NRXN1: variants seen among roughly 807,000 people sequenced by gnomAD.
NRXN1 encodes neurexin-1.
NRXN1 carries 39 observed loss-of-function variants against 150.9 expected under a neutral mutation model. That is an observed-to-expected ratio of 0.26 (90% CI 0.20 to 0.34). The LOEUF is 0.34. Among genes scored for constraint, NRXN1 ranks in the 10% least tolerant of loss-of-function variants. The pLI is 1.00. For missense variants in NRXN1, 1,815 were observed against 1,949.9 expected (o/e 0.93, Z 1.30); for synonymous variants, 924 against 757.0 (o/e 1.22, Z -3.62).
intron 5 of NRXN1, among the ~76,000 whole-genome samples, chr2:50,897,181 C>T (rs773908447): frequency 2.0e-5 from 3 of 152,178 alleles, no homozygotes; most frequent in African/African-American, 4.8e-5. Flanking sequence ...GTTGCTTAAT[C>T]TCTGTGCTTC....
At chr2:50,566,452 GC>G (rs1216559166) in intron 8 of NRXN1, among the ~76,000 whole-genome samples, 1 of 141,378 alleles carries the variant, frequency 7.1e-6, no homozygotes, top group African/African-American at 2.7e-5. Flanking sequence ...ACAGGGTTTC[GC>G]TATGTTGGCC....
At chr2:50,653,976 CTTT>C (rs35931647) in intron 5 of NRXN1, among the ~76,000 whole-genome samples, 32 of 127,406 alleles carry the variant, frequency 2.5e-4, no homozygotes, top group South Asian at 5.1e-4. Flanking sequence ...GCCTTTTCAT[CTTT>C]TTTTTTTTTT....
intron 17 of NRXN1, among the ~76,000 whole-genome samples, chr2:50,356,467 C>G (rs970785304): frequency 1.3e-5 from 2 of 152,066 alleles, no homozygotes; most frequent in Non-Finnish European, 2.9e-5. Context: ...AATTATTAAT[C>G]AATGTTGCTT....
intron 18 of NRXN1, among the ~76,000 whole-genome samples, chr2:50,170,641 C>G (rs1373731634): frequency 4.6e-5 from 7 of 152,040 alleles, no homozygotes; most frequent in Admixed American, 4.6e-4. Flanking sequence ...TTTATATTTT[C>G]ATATTTGGGA....
At chr2:50,790,696 A>C (rs1705816377) in intron 5 of NRXN1, among the ~76,000 whole-genome samples, 1 of 152,318 alleles carries the variant, frequency 6.6e-6, no homozygotes, top group South Asian at 2.1e-4. Context: ...GAAGTGTTTC[A>C]AATTTTTGGT....
intron 5 of NRXN1, among the ~76,000 whole-genome samples, chr2:50,665,585 T>C (rs895201445): frequency 1.3e-5 from 2 of 152,010 alleles, no homozygotes; most frequent in African/African-American, 2.4e-5. Flanking sequence ...TTTTGTGCTC[T>C]CTTCAACCGA....
intron 18 of NRXN1, among the ~76,000 whole-genome samples, chr2:50,192,839 GC>G (rs1288724552): frequency 6.6e-6 from 1 of 152,108 alleles, no homozygotes; most frequent in Non-Finnish European, 1.5e-5. Flanking sequence ...CAAAATCTTG[GC>G]CTCAAGTCAT....
intron 19 of NRXN1, among the ~76,000 whole-genome samples, chr2:50,088,840 G>T (rs768569667): frequency 5.9e-5 from 9 of 152,016 alleles, no homozygotes; most frequent in Admixed American, 2.0e-4. Context: ...AAGAACACAG[G>T]AACCATATCT....
intron 5 of NRXN1, among the ~76,000 whole-genome samples, chr2:50,732,421 A>G (rs1698212229): frequency 6.6e-6 from 1 of 152,184 alleles, no homozygotes; most frequent in South Asian, 2.1e-4. Flanking sequence ...GAGGAATAGT[A>G]GTTATCAACA....
chr2:49,932,350 GT>G (rs1670276757), intron 22 of NRXN1, among the ~76,000 whole-genome samples: 1 of 152,192 alleles, frequency 6.6e-6, no homozygotes, highest in Non-Finnish European at 1.5e-5. Flanking sequence ...GAGCCCAGCA[GT>G]TTGGGGGTGC....
intron 5 of NRXN1, among the ~76,000 whole-genome samples, chr2:50,630,867 T>C (rs772009054): frequency 1.3e-5 from 2 of 151,720 alleles, no homozygotes; most frequent in Non-Finnish European, 3.0e-5. Flanking sequence ...AAAACATCCT[T>C]GACCAAGCAG....
At chr2:50,540,379 T>G (rs2093361390) in intron 9 of NRXN1, among the ~76,000 whole-genome samples, 1 of 152,222 alleles carries the variant, frequency 6.6e-6, no homozygotes, top group South Asian at 2.1e-4. Context: ...CATGGCATTT[T>G]GGGGAAATAA....
At chr2:50,470,368 T>G (rs1339505508) in intron 16 of NRXN1, among the ~76,000 whole-genome samples, 1 of 151,684 alleles carries the variant, frequency 6.6e-6, no homozygotes, top group Non-Finnish European at 1.5e-5. Context: ...AGAGGCATTA[T>G]GCCAAAATAT....
At chr2:50,954,290 A>C (rs1011721505) in intron 2 of NRXN1, among the ~76,000 whole-genome samples, 1 of 152,216 alleles carries the variant, frequency 6.6e-6, no homozygotes, top group Non-Finnish European at 1.5e-5. Flanking sequence ...CAATTATTTT[A>C]AAGCTATTCA....
intron 18 of NRXN1, among the ~76,000 whole-genome samples, chr2:50,146,218 CCTAAATTGGTGGGAGT>C (rs1707988662): frequency 6.6e-6 from 1 of 151,516 alleles, no homozygotes; most frequent in African/African-American, 2.4e-5. Context: ...TTTCAAAACT[CCTAAATTGGTGGGAGT>C]CTAAATTCGT....
At chr2:50,069,784 G>A (rs1212582867) in intron 19 of NRXN1, among the ~76,000 whole-genome samples, 1 of 151,056 alleles carries the variant, frequency 6.6e-6, no homozygotes, top group Non-Finnish European at 1.5e-5. Context: ...GCATGTCATG[G>A]TTTTGACAGC....
intron 10 of NRXN1, among the ~76,000 whole-genome samples, chr2:50,532,909 T>G (rs1275418447): frequency 6.6e-6 from 1 of 152,200 alleles, no homozygotes; most frequent in Admixed American, 6.5e-5. Flanking sequence ...AGGATGCTAC[T>G]TAATAAAGAA....
intron 5 of NRXN1, among the ~76,000 whole-genome samples, chr2:50,778,013 T>C (rs1703872340): frequency 6.6e-6 from 1 of 152,206 alleles, no homozygotes; most frequent in South Asian, 2.1e-4. Flanking sequence ...CTGTGTACTG[T>C]GTTATTCATA....
chr2:50,239,092 G>C (rs941189219), intron 17 of NRXN1, among the ~76,000 whole-genome samples: 1 of 151,832 alleles, frequency 6.6e-6, no homozygotes, highest in African/African-American at 2.4e-5. Context: ...ATCCTCAGAA[G>C]CTTGTTCATC....
Sources: gnomAD v4.1 joint callset for allele counts (sites outside exome capture counted in the v4.1 genomes callset) on GRCh38, gnomAD v4.1.1 for gene constraint, MANE v1.5 for transcripts, NCBI Gene and HGNC (gene_info 2026-07-23, HGNC 2026-07-21) for gene names.